Variants in ZNF136 observed in about 807,000 individuals in gnomAD.
ZNF136 encodes zinc finger protein 136 (clone pHZ-20).
In ZNF136, 8 loss-of-function variants were observed where a neutral mutation model predicts 11.4. The ratio of observed to expected loss-of-function variants is 0.70; its 90% CI spans 0.41 to 1.27. The LOEUF (loss-of-function observed/expected upper bound fraction) is 1.27, where lower values mean the gene tolerates loss of function less well. ZNF136 is among the 50% of genes most tolerant of loss of function. The probability of loss-of-function intolerance (pLI) is 0.01; values close to 1 mark genes in which losing one functional copy is unlikely to be tolerated. For synonymous variants in ZNF136, 190 were observed against 207.1 expected (o/e 0.92, Z 0.71); for missense variants, 590 against 656.5 (o/e 0.90, Z 1.11).
At chr19:12,184,172 G>A (rs1038833842) in intron 1 of ZNF136, among the ~76,000 whole-genome samples, 7 of 152,034 alleles carry the variant, frequency 4.6e-5, no homozygotes, top group South Asian at 2.1e-4. Context: ...AGGTTGAGGC[G>A]GGATAATCCC....
Position 12,187,360 on chromosome 19 carries a change from A to G in ZNF136, c.982A>G (p.Arg328Gly), listed in dbSNP as rs1248166460. The G allele has an allele frequency of 6.2e-7, 1 of 1,614,158 alleles. No individual in the cohort carries two copies. The highest frequency in any genetic ancestry group is 1.1e-5 in the South Asian group (1 of 91,084). ...SYLPSLRLHERIHTGEKPFVC... is the reference protein window; with the variant it reads ...SYLPSLRLHEGIHTGEKPFVC... ...TCTCCCCTCCCTTCGACTACATGAAAGAATTCACACTGGTGAGAAACCCTT... is the reference window on the plus strand; with the variant it reads ...TCTCCCCTCCCTTCGACTACATGAAGGAATTCACACTGGTGAGAAACCCTT... Residue 328 changes from arginine (R) to glycine (G), a missense_variant, in exon 4 of 4, where the codon AGA (arginine) becomes GGA (glycine). Transcript: ENST00000343979.
intron 1 of ZNF136, among the ~76,000 whole-genome samples, chr19:12,171,492 C>G (rs1914652478): frequency 1.3e-5 from 2 of 152,130 alleles, no homozygotes; most frequent in South Asian, 4.1e-4. Flanking sequence ...TGTGGCCTTT[C>G]ATCTTCTGTA....
At chr19:12,171,885 C>T (rs1329801270) in intron 1 of ZNF136, among the ~76,000 whole-genome samples, 1 of 151,822 alleles carries the variant, frequency 6.6e-6, no homozygotes, top group East Asian at 1.9e-4. Context: ...AAATAAAGAA[C>T]ACTCTCCCTA....
At chr19:12,184,040 G>A (rs2145640615) in intron 1 of ZNF136, among the ~76,000 whole-genome samples, 1 of 152,094 alleles carries the variant, frequency 6.6e-6, no homozygotes, top group African/African-American at 2.4e-5. Context: ...GCCAAGGCTG[G>A]CAGATACTTG....
At chr19:12,178,091 A>C (rs1055073431) in intron 1 of ZNF136, among the ~76,000 whole-genome samples, 1 of 152,198 alleles carries the variant, frequency 6.6e-6, no homozygotes, top group African/African-American at 2.4e-5. Context: ...TGGGTGTCAG[A>C]GTGAGACTCA....
intron 1 of ZNF136, among the ~76,000 whole-genome samples, chr19:12,170,688 C>T (rs567415832): frequency 6.8e-6 from 1 of 147,258 alleles, no homozygotes; most frequent in African/African-American, 2.6e-5. Flanking sequence ...TTTTTCGAGA[C>T]GGAGTCTCGC....
At chr19:12,180,621 C>T (rs964823267) in intron 1 of ZNF136, among the ~76,000 whole-genome samples, 2 of 151,986 alleles carry the variant, frequency 1.3e-5, no homozygotes, top group South Asian at 2.1e-4. Context: ...ATGTCACCAT[C>T]GGTCATTTAT....
chr19:12,183,997 T>C (rs1485778263), intron 1 of ZNF136, among the ~76,000 whole-genome samples: 5 of 152,212 alleles, frequency 3.3e-5, no homozygotes, highest in African/African-American at 1.2e-4. Context: ...CTGGGTGTGG[T>C]GGCTCACGCC....
chr19:12,187,140 T>C lies in ZNF136; in HGVS notation c.762T>C (p.Cys254=). 6.2e-7 allele frequency: 1 copy of C among 1,614,120 alleles called. No homozygotes were observed. The highest frequency in any genetic ancestry group is 1.3e-5 in the African/African-American group (1 of 75,024). The stretch of plus-strand genomic sequence containing the variant: ...ACACTGGAGATGGACCTTATAAATG[T>C]AAGGTATGTGGGAAACCCTTTCATT... ...IKHTGDGPYK[C]KVCGKPFHSL... is the part of the protein sequence containing the mutation. The change falls in exon 4 of 4, where the codon TGT becomes TGC. Residue 254 remains cysteine, a synonymous_variant. Coordinates refer to ENST00000343979, the MANE Select transcript of ZNF136 (RefSeq NM_003437.5).
At chr19:12,173,471 G>A (rs1914711023) in intron 1 of ZNF136, among the ~76,000 whole-genome samples, 1 of 152,104 alleles carries the variant, frequency 6.6e-6, no homozygotes, top group Non-Finnish European at 1.5e-5. Flanking sequence ...AGGGAGTCTT[G>A]TATTATAATA....
In ZNF136 at chr19:12,187,952, C is replaced by G; in HGVS notation, c.1574C>G (p.Thr525Arg). 6.4e-7 allele frequency: 1 copy of G among 1,552,312 alleles called. No individual in the cohort carries two copies. The highest frequency in any genetic ancestry group is 8.6e-7 in the Non-Finnish European group (1 of 1,156,606). Residue 525 changes from threonine (T) to arginine (R), a missense_variant, in exon 4 of 4, where the codon ACA (threonine) becomes AGA (arginine). Thr to Arg is a moderately conservative substitution (Grantham distance 71). Coordinates refer to ENST00000343979, the MANE Select transcript of ZNF136 (RefSeq NM_003437.5). ...GCCAGCTTTCAGAGACACATGTTAA[C>G]ACATGCTGAAGATGGACCACCTTAT... ...CRASFQRHMLTHAEDGPPYKC... is the reference protein window; with the variant it reads ...CRASFQRHMLRHAEDGPPYKC...
intron 1 of ZNF136, among the ~76,000 whole-genome samples, chr19:12,167,246 G>T (rs889975975): frequency 6.6e-6 from 1 of 152,232 alleles, no homozygotes; most frequent in Non-Finnish European, 1.5e-5. Context: ...CATGATATGT[G>T]TAGGTTCTGT....
chr19:12,184,118 T>C (rs1915021964), intron 1 of ZNF136, among the ~76,000 whole-genome samples: 1 of 150,920 alleles, frequency 6.6e-6, no homozygotes, highest in Non-Finnish European at 1.5e-5. Flanking sequence ...ATACAAAAAT[T>C]AGCTGGGTGT....
rs528907224 is a variant in ZNF136 at position 12,189,861 on chromosome 19, C to A, written c.*1860C>A. On this transcript the variant is annotated 3_prime_UTR_variant, in exon 4 of 4. Transcript: ENST00000343979. ...GACAGCTATGATAGAATAATAAAATCTAAAATGGGAGATGCCTTTCATGGA... is the reference window on the plus strand; with the variant it reads ...GACAGCTATGATAGAATAATAAAATATAAAATGGGAGATGCCTTTCATGGA... The A allele has an allele frequency of 6.6e-6, 1 of 152,246 alleles. No individual in the cohort carries two copies. Among genetic ancestry groups the A allele is most frequent in the South Asian group, 2.1e-4 (1 of 4,826 alleles). 9.4% of individuals were successfully genotyped at this position (152,246 alleles called of 1,614,324 possible). A position where few individuals can be genotyped will look rare whatever the true frequency, so the allele number is the denominator to read the frequency against.
At chr19:12,186,310 T>C in intron 3 of ZNF136, 136 bp downstream of exon 3, 1 of 970,742 alleles carries the variant, frequency 1.0e-6, no homozygotes, top group Non-Finnish European at 1.5e-6. Flanking sequence ...CAAATACATA[T>C]TCTTCAGTGT....
intron 1 of ZNF136, among the ~76,000 whole-genome samples, chr19:12,174,846 A>G (rs1488771384): frequency 7.2e-6 from 1 of 139,396 alleles, no homozygotes; most frequent in African/African-American, 2.8e-5. Context: ...CATGTTAGTC[A>G]GGATGGCTTT....
chr19:12,181,784 A>G (rs1001492768), intron 1 of ZNF136, among the ~76,000 whole-genome samples: 3 of 151,844 alleles, frequency 2.0e-5, no homozygotes, highest in Admixed American at 1.3e-4. Flanking sequence ...ACAGGCACCC[A>G]CCACTACGCC....
intron 1 of ZNF136, among the ~76,000 whole-genome samples, chr19:12,173,959 G>A (rs1031392216): frequency 2.6e-5 from 4 of 152,066 alleles, no homozygotes; most frequent in Non-Finnish European, 4.4e-5. Context: ...AGGCTGGAGT[G>A]CAATGGCATG....
chr19:12,187,023 A>G lies in ZNF136; in HGVS notation c.645A>G (p.Glu215=), dbSNP rs759007130. ...ATCCCAGTAGATTTCGAACACATGA[A>G]AGAAGTCACACTGGAGAGAAACCCT... is the stretch of plus-strand genomic sequence containing the variant. ...FDYPSRFRTH[E]RSHTGEKPYE... Residue 215 remains glutamate, a synonymous_variant, in exon 4 of 4, where the codon GAA becomes GAG. Coordinates refer to ENST00000343979, the MANE Select transcript of ZNF136 (RefSeq NM_003437.5). 8 of 1,613,946 alleles carry G rather than the reference A, an allele frequency of 5.0e-6. No homozygotes were observed.
Sources: allele counts gnomAD v4.1 joint callset (sites outside exome capture counted in the v4.1 genomes callset), GRCh38; gene constraint gnomAD v4.1.1; transcripts MANE v1.5; gene names NCBI Gene and HGNC (gene_info 2026-07-23, HGNC 2026-07-21).